DOCK1: variants seen among roughly 807,000 people sequenced by gnomAD.
The protein encoded by DOCK1 is dedicator of cytokinesis protein 1.
Under a neutral mutation model 262.7 loss-of-function variants are expected in DOCK1, and 138 were observed. The observed-to-expected ratio is 0.53, with a 90% CI of 0.46 to 0.61. The LOEUF (loss-of-function observed/expected upper bound fraction) is 0.61. DOCK1 is among the 20% of genes least tolerant of loss of function. The pLI, the probability that DOCK1 is intolerant of heterozygous loss-of-function variation, is 0.00. For missense variants in DOCK1, 1,908 were observed against 2,370.7 expected (o/e 0.80, Z 4.05); for synonymous variants, 866 against 867.4 (o/e 1.00, Z 0.03).
At chr10:127,026,248 A>G (rs2042853454) in intron 15 of DOCK1, 104 bp from the exon 16 acceptor site, 2 of 1,098,882 alleles carry the variant, frequency 1.8e-6, no homozygotes, top group South Asian at 2.7e-5. Flanking sequence ...TCACCACTGC[A>G]GTTAGAAATG....
rs1365501572 is a variant in DOCK1, at chr10:127,110,454, G to T, written c.2623+100G>T. On this transcript the variant is annotated intron_variant, in intron 25 of 51. Transcript: ENST00000623213. ...CTTCTTGACAAAAGGAGTAGAGGCT[G>T]CAACCAATTAAAACTGCTGTATTAC... 28 of 1,072,254 alleles carry T rather than the reference G, an allele frequency of 2.6e-5. No homozygotes were observed. The East Asian group carries it at 7.3e-4, about 28-fold the overall frequency. 66.4% of individuals were successfully genotyped at this position (1,072,254 alleles called of 1,614,324 possible).
chr10:127,138,702 C>G (rs2050927736), intron 27 of DOCK1, among the ~76,000 whole-genome samples: 3 of 152,150 alleles, frequency 2.0e-5, no homozygotes, highest in Admixed American at 2.0e-4. Context: ...AGTAAAATTC[C>G]ATCACTCAAG....
chr10:127,261,128 C>A (rs1204844426), intron 29 of DOCK1, among the ~76,000 whole-genome samples: 2 of 72,464 alleles, frequency 2.8e-5, no homozygotes, highest in Non-Finnish European at 5.4e-5. Flanking sequence ...TGTGTGTGTG[C>A]CTGCATGTGT....
chr10:127,178,456 C>A (rs1056003330), intron 27 of DOCK1, among the ~76,000 whole-genome samples: 2 of 152,086 alleles, frequency 1.3e-5, no homozygotes, highest in South Asian at 2.1e-4. Context: ...GAAGTAGCAC[C>A]GCTCCCTCCC....
At chr10:127,042,584 G>T in intron 19 of DOCK1, 41 bp from the exon 20 acceptor site, 2 of 1,568,746 alleles carry the variant, frequency 1.3e-6, no homozygotes, top group East Asian at 2.2e-5. Context: ...GGGGAAGTCC[G>T]GTGGGTTCAC....
At chr10:127,156,673 A>G (rs1166382525) in intron 27 of DOCK1, among the ~76,000 whole-genome samples, 2 of 146,646 alleles carry the variant, frequency 1.4e-5, no homozygotes, top group Non-Finnish European at 3.0e-5. Flanking sequence ...GGTTCAAGCG[A>G]TTCTCCTGCC....
At chr10:126,990,369 C>T (rs3750560) in intron 5 of DOCK1, 86 bp from the exon 6 acceptor site, 3 of 1,351,862 alleles carry the variant, frequency 2.2e-6, no homozygotes, top group African/African-American at 1.5e-5. Flanking sequence ...ATACCTCATG[C>T]GTATTTGAAG....
rs1423910041 is a variant in DOCK1 at position 127,061,769 on chromosome 10, G to A, written c.2438G>A (p.Arg813Gln). The change falls in exon 23 of 52, where the codon CGG becomes CAG. Residue 813 changes from arginine to glutamine, a missense_variant. By Grantham distance (43) the Arg-to-Gln change is conservative (BLOSUM62 1). Around this residue, in one of 9 missense-constraint regions of DOCK1, gnomAD observed 518 missense variants for 575.1 expected, o/e 0.90. Transcript: ENST00000623213. ...AGCAGCATGTCAGACCAGACCGTCCGGGTGAAGGTGAGTGCCGGCCACTGC... is the reference window on the plus strand; with the variant it reads ...AGCAGCATGTCAGACCAGACCGTCCAGGTGAAGGTGAGTGCCGGCCACTGC... ...MMSSMSDQTV[R>Q]VKGAALKYLP... The A allele has an allele frequency of 3.8e-6, 6 of 1,583,454 alleles. No individual in the cohort carries two copies. Among genetic ancestry groups the A allele is most frequent in the South Asian group, 1.2e-5 (1 of 86,214 alleles).
At chr10:127,332,009 A>T (rs906320954) in intron 29 of DOCK1, among the ~76,000 whole-genome samples, 3 of 152,228 alleles carry the variant, frequency 2.0e-5, no homozygotes, top group Non-Finnish European at 2.9e-5. Flanking sequence ...GAGAGGATGG[A>T]GGAACCGGTG....
intron 21 of DOCK1, among the ~76,000 whole-genome samples, 182 bp from the exon 22 acceptor site, chr10:127,052,499 G>A (rs2044798824): frequency 6.7e-6 from 1 of 148,786 alleles, no homozygotes; most frequent in African/African-American, 2.5e-5. Flanking sequence ...ACTCCATCCT[G>A]GGTGACAGGG....
At chr10:127,387,218 C>G (rs2066177189) in intron 38 of DOCK1, among the ~76,000 whole-genome samples, 1 of 152,242 alleles carries the variant, frequency 6.6e-6, no homozygotes, top group Admixed American at 6.5e-5. Flanking sequence ...CTCCCTTGCC[C>G]TCTGCATTCC....
At chr10:127,296,075 A>T (rs994074704) in intron 29 of DOCK1, among the ~76,000 whole-genome samples, 4 of 152,264 alleles carry the variant, frequency 2.6e-5, no homozygotes, top group Admixed American at 2.0e-4. Context: ...CTCTGGTCTG[A>T]AATGAGCAGT....
At chr10:127,318,383 C>T (rs1044512966) in intron 29 of DOCK1, among the ~76,000 whole-genome samples, 3 of 152,146 alleles carry the variant, frequency 2.0e-5, no homozygotes, top group South Asian at 4.1e-4. Context: ...GAGAGGCACA[C>T]GGTTCTCTAA....
chr10:127,397,479 G>C (rs1341343204), intron 38 of DOCK1, among the ~76,000 whole-genome samples: 9 of 124,562 alleles, frequency 7.2e-5, no homozygotes, highest in South Asian at 2.7e-4. Context: ...ATCTGAGCAT[G>C]AGTTACACGG....
intron 27 of DOCK1, chr10:127,196,199 CGGCCCGGCCCTGCT>C (rs1467913393): frequency 2.0e-5 from 3 of 149,948 alleles, no homozygotes; most frequent in African/African-American, 4.9e-5. Context: ...CCACCGCTGC[CGGCCCGGCCCTGCT>C]GGCCCGGCCG....
chr10:127,018,609 T>C, intron 12 of DOCK1, 101 bp from the exon 13 acceptor site: 2 of 1,559,064 alleles, frequency 1.3e-6, no homozygotes, highest in Admixed American at 3.6e-5. Context: ...AGATGTTGAA[T>C]TGTGAATTAA....
intron 1 of DOCK1, among the ~76,000 whole-genome samples, chr10:126,945,012 T>C (rs1338977530): frequency 1.3e-5 from 2 of 152,082 alleles, no homozygotes; most frequent in Non-Finnish European, 2.9e-5. Context: ...CTAATTTTTG[T>C]ATTTTTAGTA....
intron 23 of DOCK1, among the ~76,000 whole-genome samples, chr10:127,066,551 A>G (rs1275500963): frequency 6.6e-6 from 1 of 152,162 alleles, no homozygotes; most frequent in Non-Finnish European, 1.5e-5. Flanking sequence ...TAGGCAGCCC[A>G]CCTGGCTCTC....
intron 25 of DOCK1, among the ~76,000 whole-genome samples, chr10:127,121,455 A>ATGTGTGTGTGTGTGTGTGTGTGTGTG (rs59477974): frequency 1.6e-4 from 23 of 148,366 alleles, no homozygotes; most frequent in African/African-American, 3.0e-4. Flanking sequence ...GTATATGTAT[A>ATGTGTGTGTGTGTGTGTGTGTGTGTG]TGTGTGTGTG....
Sources: allele counts gnomAD v4.1 joint callset (sites outside exome capture counted in the v4.1 genomes callset), GRCh38; gene constraint gnomAD v4.1.1; regional missense constraint gnomAD v4.1.1; transcripts MANE v1.5; gene names NCBI Gene and HGNC (gene_info 2026-07-23, HGNC 2026-07-21).